The following PCDHA6 variants were observed in gnomAD, a reference collection of about 807,000 sequenced individuals.
PCDHA6 encodes protocadherin alpha-6.
In PCDHA6, 55 loss-of-function variants were observed where a neutral mutation model predicts 60.3. That is an observed-to-expected ratio of 0.91 (90% CI 0.73 to 1.14). The LOEUF is 1.14. Ranked by LOEUF, PCDHA6 falls within the 50% of genes most tolerant of loss-of-function variation. The pLI is 0.00. For missense variants in PCDHA6, 1,327 were observed against 1,256.5 expected (o/e 1.06, Z -0.85); for synonymous variants, 652 against 557.9 (o/e 1.17, Z -2.38).
intron 1 of PCDHA6, chr5:140,927,032 C>T: frequency 6.2e-7 from 1 of 1,612,120 alleles, no homozygotes; most frequent in Non-Finnish European, 8.5e-7. Context: ...AGGCTGCCAG[C>T]GGCCGCTATG....
intron 1 of PCDHA6, among the ~76,000 whole-genome samples, chr5:140,970,479 G>A (rs782054417): frequency 1.3e-4 from 20 of 152,160 alleles, no homozygotes; most frequent in Admixed American, 8.5e-4. Context: ...AGGCCAGCTT[G>A]TTCATTATTA....
chr5:141,009,019 C>G (rs1160022658), intron 3 of PCDHA6, among the ~76,000 whole-genome samples: 2 of 152,232 alleles, frequency 1.3e-5, no homozygotes, highest in African/African-American at 4.8e-5. Flanking sequence ...CCTTTAGGCT[C>G]TGTATTTCCC....
At chr5:140,886,501 T>C (rs1171128056) in intron 1 of PCDHA6, among the ~76,000 whole-genome samples, 1 of 152,108 alleles carries the variant, frequency 6.6e-6, no homozygotes, top group Non-Finnish European at 1.5e-5. Flanking sequence ...TCTTTTTCCT[T>C]TTATGGATTT....
rs1161459762 is a variant in PCDHA6, at chr5:140,884,196, C to A, written c.2394+53711C>A. 1.9e-6 allele frequency: 3 copies of A among 1,613,298 alleles called. No homozygotes were observed. The African/African-American group carries it at 4.0e-5, about 22-fold the overall frequency. On this transcript the variant is annotated intron_variant, in intron 1 of 3. Coordinates refer to ENST00000529310, the MANE Select transcript of PCDHA6 (RefSeq NM_018909.4). ...CGCCCTCTGGACGAGGTGGACGCGCCGCACCACCGCCTTCTGGTGCTGGTG... is the reference window on the plus strand; with the variant it reads ...CGCCCTCTGGACGAGGTGGACGCGCAGCACCACCGCCTTCTGGTGCTGGTG...
intron 3 of PCDHA6, among the ~76,000 whole-genome samples, chr5:141,009,358 C>G (rs993815936): frequency 8.5e-5 from 13 of 152,116 alleles, no homozygotes; most frequent in Admixed American, 6.6e-5. Flanking sequence ...ACTTGGGAGG[C>G]TAAGATGGGA....
At chr5:140,870,614 C>G in intron 1 of PCDHA6, 2 of 1,613,212 alleles carry the variant, frequency 1.2e-6, no homozygotes, top group South Asian at 2.2e-5. Flanking sequence ...CGCGCGCTGT[C>G]GAGCTACGTG....
At chr5:140,857,858 G>A in intron 1 of PCDHA6, 3 of 1,597,854 alleles carry the variant, frequency 1.9e-6, no homozygotes, top group Non-Finnish European at 2.6e-6. Context: ...TGGATACAAC[G>A]CGTGGCTGTC....
At chr5:140,920,749 C>T (rs145619239) in intron 1 of PCDHA6, among the ~76,000 whole-genome samples, 2 of 151,424 alleles carry the variant, frequency 1.3e-5, no homozygotes, top group Non-Finnish European at 2.9e-5. Context: ...GAGGCTGAGG[C>T]AGGAGAATTG....
chr5:140,946,631 T>TATATATATATATAC (rs57893927), intron 1 of PCDHA6, among the ~76,000 whole-genome samples: 2,707 of 131,678 alleles, frequency 0.021, 122 homozygotes, highest in African/African-American at 0.036. Flanking sequence ...TATATATATA[T>TATATATATATATAC]ACAATGGAAT....
chr5:140,970,776 A>G lies in PCDHA6; in HGVS notation c.2395-8173A>G, dbSNP rs1338334067. Among the ~76,000 whole-genome samples the G allele has an allele frequency of 1.3e-5, 2 of 152,212 alleles. 1 individual carries two copies. The highest frequency in any genetic ancestry group is 4.8e-5 in the African/African-American group (2 of 41,458). On this transcript the variant is annotated intron_variant, in intron 1 of 3. Coordinates refer to ENST00000529310, the MANE Select transcript of PCDHA6 (RefSeq NM_018909.4). Reference sequence around the variant, plus strand: ...TTCATTGACATATTGCTGTACATACATATTGTATGTAATATCCATATTGTT... The same window carrying G: ...TTCATTGACATATTGCTGTACATACGTATTGTATGTAATATCCATATTGTT...
At chr5:140,995,452 G>C (rs1400573812) in intron 3 of PCDHA6, among the ~76,000 whole-genome samples, 1 of 152,098 alleles carries the variant, frequency 6.6e-6, no homozygotes, top group African/African-American at 2.4e-5. Context: ...CTTATGAATT[G>C]TTTATTTTTG....
chr5:140,878,890 T>C (rs1219933788), intron 1 of PCDHA6, among the ~76,000 whole-genome samples: 1 of 152,242 alleles, frequency 6.6e-6, no homozygotes, highest in East Asian at 1.9e-4. Flanking sequence ...TAGCTGAGAC[T>C]ACAGGCAGGC....
chr5:140,888,748 T>C (rs782271029), intron 1 of PCDHA6, among the ~76,000 whole-genome samples: 13 of 152,122 alleles, frequency 8.5e-5, no homozygotes, highest in Admixed American at 7.9e-4. Flanking sequence ...GGAATTATTC[T>C]ACCCACTTTT....
At chr5:140,982,186 C>G (rs547938149) in intron 2 of PCDHA6, among the ~76,000 whole-genome samples, 34 of 152,372 alleles carry the variant, frequency 2.2e-4, no homozygotes, top group African/African-American at 7.7e-4. Context: ...CTCTGATGGG[C>G]TTCCTGTTAG....
At chr5:140,954,297 C>T (rs1369831854) in intron 1 of PCDHA6, among the ~76,000 whole-genome samples, 2 of 152,180 alleles carry the variant, frequency 1.3e-5, no homozygotes, top group African/African-American at 4.8e-5. Flanking sequence ...TGGGTACATA[C>T]CCAGTAATGG....
At chr5:140,930,527 A>G (rs73793525) in intron 1 of PCDHA6, 1 of 152,462 alleles carries the variant, frequency 6.6e-6, no homozygotes, top group Non-Finnish European at 1.5e-5. Context: ...CTGGCCCTCA[A>G]ACTTCTTGAG....
chr5:140,856,441 G>T, intron 1 of PCDHA6: 1 of 1,598,410 alleles, frequency 6.3e-7, no homozygotes, highest in East Asian at 2.2e-5. Flanking sequence ...ACCCGCCCAG[G>T]TTCTCCGTAA....
Position 140,828,686 on chromosome 5 carries a change from T to A in PCDHA6, c.595T>A (p.Ser199Thr). Residue 199 changes from serine (S) to threonine (T), a missense_variant, in exon 1 of 4, where the codon TCC (serine) becomes ACC (threonine). Ser to Thr is a moderately conservative substitution (Grantham distance 58). Coordinates refer to ENST00000529310, the MANE Select transcript of PCDHA6 (RefSeq NM_018909.4). ...ACAAATTGGGCTCTTATTAAAGAAA[T>A]CCTTGGACAGAGAGGAAGCTCCTGC... is the stretch of plus-strand genomic sequence containing the variant. ...NKQIGLLLKK[S>T]LDREEAPAHN... The A allele has an allele frequency of 6.2e-7, 1 of 1,614,164 alleles. No homozygotes were observed. Among genetic ancestry groups the A allele is most frequent in the Non-Finnish European group, 8.5e-7 (1 of 1,180,046 alleles).
chr5:140,928,573 A>G (rs1353807568), intron 1 of PCDHA6: 2 of 1,614,110 alleles, frequency 1.2e-6, no homozygotes, highest in African/African-American at 1.3e-5. Context: ...TCCCTTGCCC[A>G]GAAATGGTTC....
Sources: allele counts gnomAD v4.1 joint callset (sites outside exome capture counted in the v4.1 genomes callset), GRCh38; gene constraint gnomAD v4.1.1; transcripts MANE v1.5; gene names NCBI Gene and HGNC (gene_info 2026-07-23, HGNC 2026-07-21).